SPRED2: variants seen among roughly 807,000 people sequenced by gnomAD.
SPRED2 encodes the protein sprouty-related, EVH1 domain-containing protein 2.
In SPRED2, 47 loss-of-function variants were observed where a neutral mutation model predicts 43.0. The ratio of observed to expected loss-of-function variants is 1.09; its 90% CI spans 0.87 to 1.40. The LOEUF (loss-of-function observed/expected upper bound fraction) is 1.40. SPRED2 is among the 40% of genes most tolerant of loss of function. The pLI is 0.00. For missense variants in SPRED2, 561 were observed against 586.4 expected, an observed-to-expected ratio of 0.96 and a Z score of 0.45; for synonymous variants, 225 against 225.7, an observed-to-expected ratio of 1.00 and a Z score of 0.03.
intron 1 of SPRED2, among the ~76,000 whole-genome samples, chr2:65,379,916 C>G (rs1675332455): frequency 6.6e-6 from 1 of 152,168 alleles, no homozygotes; most frequent in African/African-American, 2.4e-5. Flanking sequence ...TTATCGTGTT[C>G]CATGGGGACA....
At chr2:65,427,048 GT>G (rs368329234) in intron 1 of SPRED2, among the ~76,000 whole-genome samples, 1,690 of 151,828 alleles carry the variant, frequency 0.011, 36 homozygotes, top group African/African-American at 0.037. Flanking sequence ...GTCTTTTCAG[GT>G]TTTTTTTGTT....
chr2:65,383,509 G>A (rs1283081309), intron 1 of SPRED2, among the ~76,000 whole-genome samples: 1 of 152,100 alleles, frequency 6.6e-6, no homozygotes, highest in Non-Finnish European at 1.5e-5. Context: ...TTAGAACTCT[G>A]GCCAGAAAGA....
intron 1 of SPRED2, among the ~76,000 whole-genome samples, chr2:65,364,639 G>C (rs759177994): frequency 1.3e-5 from 2 of 152,158 alleles, no homozygotes; most frequent in Non-Finnish European, 2.9e-5. Flanking sequence ...AAAGAATGTG[G>C]ACAGGACCTG....
chr2:65,401,929 G>GCGCA (rs1553426577), intron 1 of SPRED2, among the ~76,000 whole-genome samples: 2 of 84,414 alleles, frequency 2.4e-5, no homozygotes, highest in Admixed American at 1.2e-4. Flanking sequence ...GAATATTAGC[G>GCGCA]CGCGCGCGCA....
chr2:65,310,093 C>T (rs529974201), downstream of SPRED2, among the ~76,000 whole-genome samples: 1 of 152,282 alleles, frequency 6.6e-6, no homozygotes, highest in African/African-American at 2.4e-5. Flanking sequence ...GGACTCTTTC[C>T]CCACTCCTCC....
intron 1 of SPRED2, among the ~76,000 whole-genome samples, chr2:65,390,977 A>G (rs1449265291): frequency 6.6e-6 from 1 of 151,652 alleles, no homozygotes; most frequent in Non-Finnish European, 1.5e-5. Flanking sequence ...AGTCCCAGCT[A>G]CTTGGGCAGG....
intron 1 of SPRED2, among the ~76,000 whole-genome samples, chr2:65,362,279 GTTTTT>G (rs1171393135): frequency 6.6e-6 from 1 of 150,984 alleles, no homozygotes; most frequent in Non-Finnish European, 1.5e-5. Context: ...TTTTGTTTTT[GTTTTT>G]TTTGAGATGG....
intron 1 of SPRED2, among the ~76,000 whole-genome samples, chr2:65,346,006 T>C (rs1461492895): frequency 2.6e-5 from 4 of 152,242 alleles, no homozygotes; most frequent in Non-Finnish European, 5.9e-5. Flanking sequence ...GCGTGTTGTA[T>C]ATGCCAGGCG....
chr2:65,370,538 G>A (rs1294676947), intron 1 of SPRED2, among the ~76,000 whole-genome samples: 2 of 152,152 alleles, frequency 1.3e-5, no homozygotes, highest in African/African-American at 2.4e-5. Flanking sequence ...TTGACCCCCA[G>A]TGATCAACAT....
In SPRED2 at chr2:65,373,463, C is replaced by T. The variant is rs1572878045; in HGVS notation, c.27-28567G>A. Among the ~76,000 whole-genome samples, 2 of 152,210 alleles carry T rather than the reference C, an allele frequency of 1.3e-5. 1 individual carries two copies. The highest frequency in any genetic ancestry group is 4.1e-4 in the South Asian group (2 of 4,828). ...CCAGTCCAAAAGGATGTGGATCTTA[C>T]CCCAAAGCTAGAACTCACTTTTCCT... On this transcript the variant is annotated intron_variant, in intron 1 of 5. Coordinates refer to ENST00000356388, the MANE Select transcript of SPRED2 (RefSeq NM_181784.3).
intron 1 of SPRED2, among the ~76,000 whole-genome samples, chr2:65,406,434 A>G (rs1676025005): frequency 6.6e-6 from 1 of 152,200 alleles, no homozygotes; most frequent in African/African-American, 2.4e-5. Context: ...GCTAGGCAGG[A>G]CCCAATATTT....
intron 1 of SPRED2, among the ~76,000 whole-genome samples, chr2:65,350,489 G>A (rs1674476006): frequency 1.3e-5 from 2 of 152,148 alleles, no homozygotes; most frequent in African/African-American, 4.8e-5. Context: ...GGTGTTGGAC[G>A]ACCAGCCCTC....
intron 1 of SPRED2, among the ~76,000 whole-genome samples, chr2:65,364,225 A>G (rs773046369): frequency 6.6e-6 from 1 of 152,252 alleles, no homozygotes. Flanking sequence ...AAGAAAACCC[A>G]GGGAGGAATT....
intron 4 of SPRED2, among the ~76,000 whole-genome samples, chr2:65,320,186 C>T (rs1673369818): frequency 6.6e-6 from 1 of 152,176 alleles, no homozygotes; most frequent in African/African-American, 2.4e-5. Context: ...AGCCACGTTA[C>T]AGTCATCTAT....
At chr2:65,414,052 C>T (rs1288074015) in intron 1 of SPRED2, among the ~76,000 whole-genome samples, 1 of 152,108 alleles carries the variant, frequency 6.6e-6, no homozygotes, top group East Asian at 1.9e-4. Flanking sequence ...TGCTAACAAT[C>T]CAATTTACAC....
chr2:65,364,031 T>C (rs1171061820), intron 1 of SPRED2, among the ~76,000 whole-genome samples: 9 of 152,328 alleles, frequency 5.9e-5, no homozygotes, highest in Middle Eastern at 3.4e-3. Flanking sequence ...TATGTCACTC[T>C]ACTTGGCTCA....
chr2:65,327,133 GTT>G (rs1673646697), intron 4 of SPRED2, among the ~76,000 whole-genome samples: 1 of 152,178 alleles, frequency 6.6e-6, no homozygotes, highest in African/African-American at 2.4e-5. Context: ...TGGGATTACA[GTT>G]GTGAGCCACC....
At chr2:65,420,400 C>A (rs1676397024) in intron 1 of SPRED2, among the ~76,000 whole-genome samples, 1 of 152,136 alleles carries the variant, frequency 6.6e-6, no homozygotes. Flanking sequence ...TTTCAGTCCT[C>A]TAGTTTATTC....
At chr2:65,395,500 A>G (rs1320454692) in intron 1 of SPRED2, among the ~76,000 whole-genome samples, 1 of 152,000 alleles carries the variant, frequency 6.6e-6, no homozygotes, top group Non-Finnish European at 1.5e-5. Context: ...ACACTCATCC[A>G]TTCCTTTCTA....
Sources: allele counts gnomAD v4.1 joint callset (sites outside exome capture counted in the v4.1 genomes callset), GRCh38; gene constraint gnomAD v4.1.1; transcripts MANE v1.5; gene names NCBI Gene and HGNC (gene_info 2026-07-23, HGNC 2026-07-21).